NME7: variants seen among roughly 807,000 people sequenced by gnomAD.
NME7 encodes NME/NM23 family member 7, also known as nucleoside diphosphate kinase 7.
In NME7, 41 loss-of-function variants were observed where a neutral mutation model predicts 49.1. That is an observed-to-expected ratio of 0.83 (90% confidence interval 0.65 to 1.08). The LOEUF (loss-of-function observed/expected upper bound fraction) is 1.08, where lower values mean the gene tolerates loss of function less well. Among genes scored for constraint, NME7 ranks in the 50% least tolerant of loss-of-function variants. The pLI is 0.00. For synonymous variants in NME7, 139 were observed against 150.6 expected, an observed-to-expected ratio of 0.92 and a Z score of 0.56; for missense variants, 423 against 463.4, an observed-to-expected ratio of 0.91 and a Z score of 0.80.
intron 11 of NME7, among the ~76,000 whole-genome samples, chr1:169,168,536 A>G (rs528289386): frequency 9.9e-5 from 15 of 152,256 alleles, no homozygotes; most frequent in South Asian, 6.2e-4. Context: ...GCTTCAAGCA[A>G]TCCTCCCACT....
chr1:169,242,003 G>C (rs1284712084), intron 7 of NME7, among the ~76,000 whole-genome samples: 3 of 151,836 alleles, frequency 2.0e-5, no homozygotes, highest in Non-Finnish European at 4.4e-5. Flanking sequence ...TGACTAGCCT[G>C]GTCTTGAACT....
Position 169,269,555 on chromosome 1 carries a change from G to A in NME7, c.754+17748C>T, listed in dbSNP as rs987167307. ...GCTGAGCACTTAACTGATTCAATCG[G>A]CCCAAATTTAGGAGGTTGCATGCAT... is the stretch of plus-strand genomic sequence containing the variant. On this transcript the variant is annotated intron_variant, in intron 7 of 11. Coordinates refer to ENST00000367811, the MANE Select transcript of NME7 (RefSeq NM_013330.5). Among the ~76,000 whole-genome samples the A allele has an allele frequency of 2.2e-5, 3 of 133,586 alleles. 1 individual carries two copies. The highest frequency in any genetic ancestry group is 4.0e-4 in the East Asian group (2 of 5,030). 87.6% of individuals were successfully genotyped at this position (133,586 alleles called of 152,430 possible). A position where few individuals can be genotyped will look rare whatever the true frequency, so the allele number is the denominator to read the frequency against.
chr1:169,133,012 C>T (rs1405133181), intron 11 of NME7, among the ~76,000 whole-genome samples, 195 bp from the exon 12 acceptor site: 6 of 152,138 alleles, frequency 3.9e-5, no homozygotes, highest in African/African-American at 7.2e-5. Flanking sequence ...AATCATCTTG[C>T]AGTGCTACTG....
At chr1:169,219,748 G>A (rs1187395361) in intron 10 of NME7, among the ~76,000 whole-genome samples, 1 of 152,144 alleles carries the variant, frequency 6.6e-6, no homozygotes, top group African/African-American at 2.4e-5. Context: ...AGTATACTGA[G>A]AGCTTCTTAA....
chr1:169,132,809 G>T lies in NME7; in HGVS notation c.1107C>A (p.Tyr369Ter), dbSNP rs201176827. 1 of 1,612,918 alleles carries T rather than the reference G, an allele frequency of 6.2e-7. No homozygotes were observed. The highest frequency in any genetic ancestry group is 1.3e-5 in the African/African-American group (1 of 74,844). Residue 369 changes from tyrosine to a stop codon, truncating the protein, a stop_gained, in exon 12 of 12, where the codon TAC (tyrosine) becomes TAA (stop). Coordinates refer to ENST00000367811, the MANE Select transcript of NME7 (RefSeq NM_013330.5). LOFTEE classifies it high-confidence loss of function. ...ACTAATTATCCAAGATCTTGAAGAA[G>T]TATTGAACCTGAAACGGAGAAACAC... ...LPEDGLLEVQ[Y>*]FFKILDN
At chr1:169,176,156 CAGATGAATT>C (rs1659743617) in intron 10 of NME7, among the ~76,000 whole-genome samples, 1 of 152,034 alleles carries the variant, frequency 6.6e-6, no homozygotes, top group Admixed American at 6.6e-5. Context: ...TAAGCAATGT[CAGATGAATT>C]CAAACTAAAA....
chr1:169,304,134 G>C (rs1014713958), intron 4 of NME7, among the ~76,000 whole-genome samples: 2 of 152,114 alleles, frequency 1.3e-5, no homozygotes, highest in African/African-American at 4.8e-5. Flanking sequence ...TTGTAACAGG[G>C]ATTTATTTTT....
rs1326920838 is a variant in NME7 at position 169,230,821 on chromosome 1, T to C, written c.889-2A>G. 4 of 1,558,674 alleles carry C rather than the reference T, an allele frequency of 2.6e-6. No homozygotes were observed. The South Asian group carries it at 3.6e-5, about 14-fold the overall frequency. ...AGAATACATTTCTGTCACCATGTCCTATGATATGTAATATAAAAGAATGAA... is the reference window on the plus strand; with the variant it reads ...AGAATACATTTCTGTCACCATGTCCCATGATATGTAATATAAAAGAATGAA... On this transcript the variant is annotated splice_acceptor_variant, in intron 9 of 11. Transcript: ENST00000367811. LOFTEE classifies it high-confidence loss of function.
intron 10 of NME7, among the ~76,000 whole-genome samples, chr1:169,224,589 CA>C (rs1661245091): frequency 1.3e-5 from 2 of 152,002 alleles, no homozygotes; most frequent in African/African-American, 4.8e-5. Flanking sequence ...TGTCATACTA[CA>C]ATATGAGTGG....
At chr1:169,224,935 C>G (rs1359143409) in intron 10 of NME7, among the ~76,000 whole-genome samples, 1 of 151,942 alleles carries the variant, frequency 6.6e-6, no homozygotes, top group African/African-American at 2.4e-5. Context: ...GAGGAAGTAG[C>G]CATTCTGTCT....
At chr1:169,255,749 G>A (rs1429429273) in intron 7 of NME7, among the ~76,000 whole-genome samples, 1 of 127,638 alleles carries the variant, frequency 7.8e-6, no homozygotes, top group Non-Finnish European at 1.8e-5. Context: ...GCTCTTTTAG[G>A]GCAGGCCTGG....
intron 7 of NME7, among the ~76,000 whole-genome samples, chr1:169,262,136 G>C (rs1334135195): frequency 7.5e-6 from 1 of 133,768 alleles, no homozygotes; most frequent in African/African-American, 2.5e-5. Flanking sequence ...TTCCATTGAG[G>C]ATTATCTTGG....
intron 10 of NME7, among the ~76,000 whole-genome samples, chr1:169,207,380 T>G (rs539626794): frequency 7.2e-5 from 11 of 152,070 alleles, no homozygotes; most frequent in Middle Eastern, 3.4e-3. Context: ...AATATGAGAT[T>G]TGGGGGAGTC....
chr1:169,163,119 G>A (rs572367389), intron 11 of NME7, among the ~76,000 whole-genome samples: 1 of 152,230 alleles, frequency 6.6e-6, no homozygotes, highest in East Asian at 1.9e-4. Flanking sequence ...GTTTTTCAAC[G>A]AATCCTGGGG....
At chr1:169,205,216 TCA>T (rs1660641066) in intron 10 of NME7, among the ~76,000 whole-genome samples, 5 of 152,164 alleles carry the variant, frequency 3.3e-5, no homozygotes, top group Admixed American at 3.3e-4. Context: ...CTTTCTATAA[TCA>T]GAGTCAGTGT....
intron 1 of NME7, among the ~76,000 whole-genome samples, chr1:169,342,596 ACATATATATAG>A (rs1264119905): frequency 1.1e-5 from 1 of 87,296 alleles, no homozygotes. Context: ...ATATACAAGT[ACATATATATAG>A]TATATATATA....
intron 7 of NME7, among the ~76,000 whole-genome samples, chr1:169,277,509 C>T: frequency 1.0e-5 from 1 of 97,158 alleles, no homozygotes; most frequent in African/African-American, 3.5e-5. Flanking sequence ...GGATTGCAAC[C>T]CCTGCCTTTT....
At chr1:169,329,695 A>G (rs1050228900) in intron 1 of NME7, among the ~76,000 whole-genome samples, 2 of 152,144 alleles carry the variant, frequency 1.3e-5, no homozygotes, top group Non-Finnish European at 2.9e-5. Context: ...AGGATCTAGG[A>G]AATAGGCTGG....
intron 6 of NME7, among the ~76,000 whole-genome samples, chr1:169,293,396 A>C (rs1374733752): frequency 6.6e-6 from 1 of 152,130 alleles, no homozygotes; most frequent in Non-Finnish European, 1.5e-5. Flanking sequence ...ATAGAAACTT[A>C]AGAAGTTAAT....
Sources: gnomAD v4.1 joint callset for allele counts (sites outside exome capture counted in the v4.1 genomes callset) on GRCh38, gnomAD v4.1.1 for gene constraint, MANE v1.5 for transcripts, NCBI Gene and HGNC (gene_info 2026-07-23, HGNC 2026-07-21) for gene names.